FAM13A: variants seen among roughly 807,000 people sequenced by gnomAD.
FAM13A encodes family with sequence similarity 13 member A.
FAM13A carries 76 observed loss-of-function variants against 129.6 expected under a neutral mutation model. The observed-to-expected ratio is 0.59, with a 90% CI of 0.49 to 0.71. The LOEUF is 0.71. Ranked by LOEUF, FAM13A falls within the 30% of genes least tolerant of loss-of-function variation. FAM13A has a pLI of 0.00. For missense variants in FAM13A, 1,108 were observed against 1,249.3 expected (o/e 0.89, Z 1.70); for synonymous variants, 443 against 449.9 (o/e 0.98, Z 0.20).
chr4:89,046,924 A>G (rs986440521), intron 1 of FAM13A, among the ~76,000 whole-genome samples: 2 of 152,188 alleles, frequency 1.3e-5, no homozygotes, highest in African/African-American at 4.8e-5. Flanking sequence ...TTTTAAGTAA[A>G]AAAAAAGAAA....
At position 88,728,292 on chromosome 4, in the gene FAM13A, T is replaced by C. The variant is rs568122800; in HGVS notation, c.*241A>G. On this transcript the variant is annotated 3_prime_UTR_variant, in exon 24 of 24. Transcript: ENST00000264344. ...GTGTGTGCGTGCATGCGCGTGCGCA[T>C]GTGCACATACTGCAGTCTTGACTTT... is the stretch of plus-strand genomic sequence containing the variant. 3.6e-6 allele frequency: 2 copies of C among 562,044 alleles called. No homozygotes were observed. The highest frequency in any genetic ancestry group is 3.0e-5 in the East Asian group (1 of 33,322). The allele number at this position is 562,044 out of a possible 1,614,324, so 34.8% of individuals were successfully genotyped here.
intron 4 of FAM13A, among the ~76,000 whole-genome samples, chr4:88,971,756 C>T (rs10019862): frequency 0.099 from 15,075 of 152,258 alleles, 790 homozygotes; most frequent in Middle Eastern, 0.14. Flanking sequence ...AAGCAATCCT[C>T]CCACCAGCCT....
intron 11 of FAM13A, among the ~76,000 whole-genome samples, chr4:88,770,444 C>G (rs1322369599): frequency 1.3e-5 from 2 of 152,154 alleles, no homozygotes; most frequent in Non-Finnish European, 2.9e-5. Context: ...CACTTCACAA[C>G]AGTGTCAATG....
intron 6 of FAM13A, among the ~76,000 whole-genome samples, chr4:88,872,437 G>A (rs188428172): frequency 1.6e-4 from 25 of 152,284 alleles, no homozygotes; most frequent in Admixed American, 1.5e-3. Context: ...AAGGGATGGA[G>A]GAAGATCTAC....
intron 8 of FAM13A, among the ~76,000 whole-genome samples, chr4:88,794,840 G>T (rs947785537): frequency 4.0e-5 from 6 of 151,706 alleles, no homozygotes; most frequent in African/African-American, 1.5e-4. Flanking sequence ...TTCTTAATTT[G>T]TCAATTTAAC....
At chr4:88,870,671 C>CA (rs1741225284) in intron 6 of FAM13A, among the ~76,000 whole-genome samples, 1 of 152,188 alleles carries the variant, frequency 6.6e-6, no homozygotes, top group African/African-American at 2.4e-5. Flanking sequence ...CCTGCCTCTG[C>CA]AGACTCTACC....
At chr4:88,899,135 C>T (rs1484890879) in intron 6 of FAM13A, among the ~76,000 whole-genome samples, 5 of 150,740 alleles carry the variant, frequency 3.3e-5, no homozygotes, top group Non-Finnish European at 7.4e-5. Context: ...TACATACATA[C>T]GTATATATAT....
intron 7 of FAM13A, among the ~76,000 whole-genome samples, chr4:88,849,945 C>T (rs1578948524): frequency 6.6e-6 from 1 of 152,170 alleles, no homozygotes; most frequent in Non-Finnish European, 1.5e-5. Context: ...ATCTACAATA[C>T]TCTTGTCTTC....
At chr4:88,917,471 C>T (rs1183974646) in intron 5 of FAM13A, among the ~76,000 whole-genome samples, 1 of 152,148 alleles carries the variant, frequency 6.6e-6, no homozygotes, top group Non-Finnish European at 1.5e-5. Context: ...AAACAAACCA[C>T]ATCCAAACCA....
At chr4:88,833,997 T>G (rs567606130) in intron 7 of FAM13A, among the ~76,000 whole-genome samples, 1 of 151,430 alleles carries the variant, frequency 6.6e-6, no homozygotes, top group African/African-American at 2.4e-5. Context: ...ACTCAAGCAA[T>G]TCCCACCTCA....
chr4:88,791,412 T>G lies in FAM13A; in HGVS notation c.1050-785A>C, dbSNP rs150059989. Among the ~76,000 whole-genome samples the G allele has an allele frequency of 4.2e-3, 638 of 152,244 alleles. 3 individuals carry two copies. The highest frequency in any genetic ancestry group is 0.015 in the African/African-American group (620 of 41,554). On this transcript the variant is annotated intron_variant, in intron 8 of 23. Transcript: ENST00000264344. Reference sequence around the variant, plus strand: ...AGAACTTTCCCCCTCATGCCTGCACTTATGTTCACATAACCACAATGAGTG... The same window carrying G: ...AGAACTTTCCCCCTCATGCCTGCACGTATGTTCACATAACCACAATGAGTG...
chr4:88,886,597 A>G (rs1052005198), intron 6 of FAM13A, among the ~76,000 whole-genome samples: 2 of 151,592 alleles, frequency 1.3e-5, no homozygotes, highest in Admixed American at 1.3e-4. Context: ...TTAAAAAGAA[A>G]AAAAAAAGAA....
intron 6 of FAM13A, among the ~76,000 whole-genome samples, chr4:88,884,994 A>G (rs962689614): frequency 4.9e-4 from 75 of 152,330 alleles, no homozygotes; most frequent in Non-Finnish European, 8.7e-4. Flanking sequence ...GCTGAAAGAA[A>G]TCATAGATGG....
chr4:88,958,844 C>T (rs539441807), intron 4 of FAM13A, among the ~76,000 whole-genome samples: 30 of 152,318 alleles, frequency 2.0e-4, no homozygotes, highest in African/African-American at 7.2e-4. Flanking sequence ...GCTCAACATC[C>T]TGTAAGTTTA....
chr4:88,739,076 C>G lies in FAM13A; in HGVS notation c.2516G>C (p.Arg839Pro). 1 of 1,613,832 alleles carries G rather than the reference C, an allele frequency of 6.2e-7. No individual in the cohort carries two copies. Among genetic ancestry groups the G allele is most frequent in the Non-Finnish European group, 8.5e-7 (1 of 1,179,886 alleles). ...TCGGGAGAGGATCTGTTTGACCAGC[C>G]GGTACCTGTCGTATAGTGGCTTCAT... ...QVMKPLYDRY[R>P]LVKQILSRAN... is the part of the protein sequence containing the mutation. Residue 839 changes from arginine (R) to proline (P), a missense_variant, in exon 20 of 24, where the codon CGG (arginine) becomes CCG (proline). Arg to Pro is a moderately radical substitution (Grantham distance 103). Coordinates refer to ENST00000264344, the MANE Select transcript of FAM13A (RefSeq NM_014883.4).
chr4:88,777,083 C>T (rs547306838), intron 11 of FAM13A, among the ~76,000 whole-genome samples: 1 of 152,122 alleles, frequency 6.6e-6, no homozygotes, highest in South Asian at 2.1e-4. Flanking sequence ...ATTTTTGACT[C>T]AAAGTATTAA....
chr4:88,986,812 GATT>G (rs1393656810), intron 4 of FAM13A, among the ~76,000 whole-genome samples: 2 of 152,166 alleles, frequency 1.3e-5, no homozygotes, highest in African/African-American at 2.4e-5. Context: ...TGTTAAGAAA[GATT>G]ATTATAATGT....
At chr4:88,737,644 A>T in intron 20 of FAM13A, 89 bp from the exon 21 acceptor site, 1 of 997,098 alleles carries the variant, frequency 1.0e-6, no homozygotes, top group East Asian at 2.4e-5. Context: ...ACCAGTATTT[A>T]TTAACTTTTA....
intron 4 of FAM13A, among the ~76,000 whole-genome samples, chr4:88,971,492 C>T (rs563185519): frequency 5.0e-4 from 76 of 152,260 alleles, no homozygotes; most frequent in African/African-American, 1.7e-3. Flanking sequence ...GGGACCCTTT[C>T]TTTGCTAAAT....
Sources: allele counts gnomAD v4.1 joint callset (sites outside exome capture counted in the v4.1 genomes callset), GRCh38; gene constraint gnomAD v4.1.1; transcripts MANE v1.5; gene names NCBI Gene and HGNC (gene_info 2026-07-23, HGNC 2026-07-21).